Variants in FASTKD1 observed in about 807,000 individuals in gnomAD.
FASTKD1 encodes the protein FAST kinase domain-containing protein 1, mitochondrial.
A neutral mutation model predicts 90.9 loss-of-function variants in FASTKD1; 94 were observed. The observed-to-expected ratio is 1.03, with a 90% CI of 0.88 to 1.23. The LOEUF (loss-of-function observed/expected upper bound fraction) is 1.23, where lower values mean the gene tolerates loss of function less well. Among genes scored for constraint, FASTKD1 ranks in the 50% most tolerant of loss-of-function variants. The probability of loss-of-function intolerance (pLI) is 0.00; values close to 1 mark genes in which losing one functional copy is unlikely to be tolerated. For synonymous variants in FASTKD1, 319 were observed against 345.8 expected (o/e 0.92, Z 0.86); for missense variants, 945 against 993.5 (o/e 0.95, Z 0.66).
intron 7 of FASTKD1, among the ~76,000 whole-genome samples, chr2:169,553,197 A>T (rs78682232): frequency 2.6e-5 from 4 of 151,088 alleles, no homozygotes; most frequent in Non-Finnish European, 5.9e-5. Context: ...GCGAGACTGC[A>T]TCTCAAAAAA....
chr2:169,544,818 G>C lies in FASTKD1; in HGVS notation c.1719C>G (p.Ile573Met). ...QQIEKIHPFTIPAIIRPFSVL... is the reference protein window; with the variant it reads ...QQIEKIHPFTMPAIIRPFSVL... ...CGCTGAATGGACGAATAATAGCAGGGATTGTAAAAGGATGGATCTGTATAA... is the reference window on the plus strand; with the variant it reads ...CGCTGAATGGACGAATAATAGCAGGCATTGTAAAAGGATGGATCTGTATAA... The change falls in exon 9 of 15, where the codon ATC (isoleucine) becomes ATG (methionine). Residue 573 changes from isoleucine to methionine, a missense_variant. Coordinates refer to ENST00000453153, the MANE Select transcript of FASTKD1 (RefSeq NM_024622.6). 6.2e-7 allele frequency: 1 copy of C among 1,605,934 alleles called. No individual in the cohort carries two copies. Among genetic ancestry groups the C allele is most frequent in the Non-Finnish European group, 8.5e-7 (1 of 1,173,030 alleles).
chr2:169,545,313 A>T (rs1329292819), intron 8 of FASTKD1, among the ~76,000 whole-genome samples: 1 of 152,244 alleles, frequency 6.6e-6, no homozygotes, highest in Admixed American at 6.5e-5. Flanking sequence ...CATGATAATC[A>T]GTACATTTTA....
intron 12 of FASTKD1, among the ~76,000 whole-genome samples, chr2:169,535,926 T>C (rs1397565489): frequency 6.6e-6 from 1 of 152,154 alleles, no homozygotes; most frequent in Non-Finnish European, 1.5e-5. Flanking sequence ...TAAAACATTA[T>C]GGTCCCCATA....
chr2:169,548,574 T>C (rs1183285142), intron 7 of FASTKD1, among the ~76,000 whole-genome samples: 2 of 148,954 alleles, frequency 1.3e-5, no homozygotes, highest in African/African-American at 5.0e-5. Flanking sequence ...CTACTGAAAA[T>C]ACAAAAAATT....
chr2:169,528,527 T>C lies in FASTKD1; in HGVS notation c.*1298A>G, dbSNP rs1298934440. ...CAGTAGGCCCTTAGTAACCATTTTA[T>C]TGAATAAATGTGTTGTAAGACAGGG... On this transcript the variant is annotated 3_prime_UTR_variant, in exon 15 of 15. Transcript: ENST00000453153. Among the ~76,000 whole-genome samples the C allele has an allele frequency of 6.6e-6, 1 of 152,150 alleles. No individual in the cohort carries two copies. The highest frequency in any genetic ancestry group is 2.4e-5 in the African/African-American group (1 of 41,426).
Position 169,561,744 on chromosome 2 carries a change from C to CATTATAAATTATTTAATTT in FASTKD1, c.573-960_573-959insAAATTAAATAATTTATAAT, listed in dbSNP as rs1559156375. ...ATTAATCTATTATAAATTAATTATT[C>CATTATAAATTATTTAATTT]ATTATAAATTATTTATTAATTTATT... On this transcript the variant is annotated intron_variant, in intron 4 of 14. Coordinates refer to ENST00000453153, the MANE Select transcript of FASTKD1 (RefSeq NM_024622.6). 1.9e-3 allele frequency among the ~76,000 whole-genome samples: 136 copies of CATTATAAATTATTTAATTT among 72,952 alleles called. 9 individuals carry two copies. In the East Asian group the frequency reaches 0.062, roughly 33 times the overall value. The allele number at this position is 72,952 out of a possible 152,430, so 47.9% of individuals were successfully genotyped here.
At position 169,529,365 on chromosome 2, in the gene FASTKD1, C is replaced by CA. The variant is rs1449071796; in HGVS notation, c.*459dup. On this transcript the variant is annotated 3_prime_UTR_variant, in exon 15 of 15. Transcript: ENST00000453153. ...GTTGCCTTTATCTTCAACATACATC[C>CA]AAAAAATCTGACTACTTCTTATTAC... 1.3e-5 allele frequency among the ~76,000 whole-genome samples: 2 copies of CA among 152,102 alleles called. No individual in the cohort carries two copies. Among genetic ancestry groups the CA allele is most frequent in the Non-Finnish European group, 2.9e-5 (2 of 68,018 alleles).
In FASTKD1 at chr2:169,571,750, C is replaced by T; in HGVS notation, c.280G>A (p.Asp94Asn). 1 of 1,613,530 alleles carries T rather than the reference C, an allele frequency of 6.2e-7. No homozygotes were observed. The highest frequency in any genetic ancestry group is 1.7e-4 in the Middle Eastern group (1 of 6,056). The change falls in exon 2 of 15, where the codon GAC becomes AAC. Residue 94 changes from aspartate (D) to asparagine (N), a missense_variant. Physicochemically the swap from Asp to Asn is conservative, Grantham distance 23. Transcript: ENST00000453153. ...SLLKNAEYVR[D>N]HPQFLTLHNL... Reference sequence around the variant, plus strand: ...TGAAGAGTAAGAAATTGAGGATGGTCTCTGACATACTCAGCATTTTTTAAC... The same window carrying T: ...TGAAGAGTAAGAAATTGAGGATGGTTTCTGACATACTCAGCATTTTTTAAC...
chr2:169,537,014 T>TTTAA, intron 12 of FASTKD1: 1 of 269,770 alleles, frequency 3.7e-6, no homozygotes, highest in Non-Finnish European at 7.0e-6. Flanking sequence ...TTTTTTTTTC[T>TTTAA]AAAGAATAGA....
intron 5 of FASTKD1, among the ~76,000 whole-genome samples, chr2:169,559,174 T>C (rs1244764955): frequency 1.3e-5 from 2 of 151,830 alleles, no homozygotes; most frequent in African/African-American, 4.8e-5. Flanking sequence ...GGTTCCTCCA[T>C]GTTGGTCTGG....
chr2:169,554,278 T>TAA (rs58641456), intron 7 of FASTKD1, among the ~76,000 whole-genome samples: 14 of 29,782 alleles, frequency 4.7e-4, no homozygotes, highest in African/African-American at 2.3e-3. Context: ...ACCCTGTCTC[T>TAA]AAAAAAAAAA....
rs1334375831 is a variant in FASTKD1, at chr2:169,560,782, G to T, written c.576C>A (p.Ser192=). 1.4e-6 allele frequency: 2 copies of T among 1,456,030 alleles called. No individual in the cohort carries two copies. Among genetic ancestry groups the T allele is most frequent in the Non-Finnish European group, 1.8e-6 (2 of 1,102,638 alleles). The allele number at this position is 1,456,030 out of a possible 1,614,324, so 90.2% of individuals were successfully genotyped here. ...RNLETTQDLS[S]LSVLMVNISS... ...ATATGTTGACCATCAAGACAGACAA[G>T]GAACTGAAAAAGAAAAAAGATGCAA... Residue 192 remains serine, a synonymous_variant, in exon 5 of 15, where the codon TCC becomes TCA. Coordinates refer to ENST00000453153, the MANE Select transcript of FASTKD1 (RefSeq NM_024622.6).
intron 7 of FASTKD1, among the ~76,000 whole-genome samples, chr2:169,547,604 G>A (rs971891703): frequency 6.6e-6 from 1 of 152,112 alleles, no homozygotes; most frequent in African/African-American, 2.4e-5. Context: ...AATTTAAGAA[G>A]AGTTAGATAG....
At chr2:169,549,928 A>G (rs1685414826) in intron 7 of FASTKD1, among the ~76,000 whole-genome samples, 1 of 152,230 alleles carries the variant, frequency 6.6e-6, no homozygotes, top group Non-Finnish European at 1.5e-5. Context: ...GAAAACTTTA[A>G]AAGTATTTTA....
chr2:169,565,198 G>T (rs1249762066), intron 3 of FASTKD1, among the ~76,000 whole-genome samples: 1 of 134,958 alleles, frequency 7.4e-6, no homozygotes, highest in Non-Finnish European at 1.5e-5. Context: ...TAATCAGCCC[G>T]CCTCGGCCTC....
chr2:169,532,647 T>A (rs1380734226), intron 12 of FASTKD1, among the ~76,000 whole-genome samples: 1 of 151,650 alleles, frequency 6.6e-6, no homozygotes, highest in Non-Finnish European at 1.5e-5. Context: ...AGGGCTGCAA[T>A]TAGAAAAGTT....
At position 169,554,257 on chromosome 2, in the gene FASTKD1, G is replaced by A. The variant is rs1299846236; in HGVS notation, c.1214+867C>T. 2.8e-5 allele frequency among the ~76,000 whole-genome samples: 3 copies of A among 105,308 alleles called. No homozygotes were observed. In the Admixed American group the frequency reaches 4.3e-4, roughly 15 times the overall value. The allele number at this position is 105,308 out of a possible 152,430, so 69.1% of individuals were successfully genotyped here. A position where few individuals can be genotyped will look rare whatever the true frequency, so the allele number is the denominator to read the frequency against. On this transcript the variant is annotated intron_variant, in intron 7 of 14. Transcript: ENST00000453153. The stretch of plus-strand genomic sequence containing the variant: ...TGCACCACTGCACTCCAGCCCAGGG[G>A]ACAGAGTGAGACCCTGTCTCTAAAA...
chr2:169,556,551 C>T (rs759565850), intron 6 of FASTKD1, among the ~76,000 whole-genome samples: 1 of 151,368 alleles, frequency 6.6e-6, no homozygotes, highest in African/African-American at 2.4e-5. Context: ...GGGCTGGGTG[C>T]GGTGGCTCAG....
intron 1 of FASTKD1, among the ~76,000 whole-genome samples, chr2:169,572,700 A>G (rs1684287664): frequency 6.6e-6 from 1 of 152,082 alleles, no homozygotes. Flanking sequence ...TAATTTAATC[A>G]TTACTGGCCT....
Sources: allele counts gnomAD v4.1 joint callset (sites outside exome capture counted in the v4.1 genomes callset), GRCh38; gene constraint gnomAD v4.1.1; transcripts MANE v1.5; gene names NCBI Gene and HGNC (gene_info 2026-07-23, HGNC 2026-07-21).